TNNT2: variants seen among roughly 807,000 people sequenced by gnomAD.
The protein encoded by TNNT2 is troponin T2, cardiac type, also known as troponin T, cardiac muscle.
Under a neutral mutation model 62.4 loss-of-function variants are expected in TNNT2, and 34 were observed. The ratio of observed to expected loss-of-function variants is 0.54; its 90% CI spans 0.41 to 0.72. The LOEUF (loss-of-function observed/expected upper bound fraction) is 0.72, where lower values mean the gene tolerates loss of function less well. Among genes scored for constraint, TNNT2 ranks in the 30% least tolerant of loss-of-function variants. The pLI, the probability that TNNT2 is intolerant of heterozygous loss-of-function variation, is 0.00. For synonymous variants in TNNT2, 123 were observed against 127.2 expected (o/e 0.97, Z 0.22); for missense variants, 275 against 381.9 (o/e 0.72, Z 2.33).
intron 15 of TNNT2, chr1:201,360,917 C>A (rs554919882): frequency 4.5e-5 from 17 of 373,830 alleles, no homozygotes; most frequent in Non-Finnish European, 8.7e-5. Context: ...GGGAGAAGCA[C>A]CTCTCTGTTG....
chr1:201,367,467 TAAGCTCTAG>T, intron 7 of TNNT2: 1 of 550,562 alleles, frequency 1.8e-6, no homozygotes, highest in Non-Finnish European at 3.3e-6. Context: ...TGATTTCACC[TAAGCTCTAG>T]GAGCTTCATG....
intron 6 of TNNT2, 58 bp downstream of exon 6, chr1:201,368,104 T>C (rs1660004448): frequency 6.4e-7 from 1 of 1,557,970 alleles, no homozygotes; most frequent in Non-Finnish European, 8.9e-7. Flanking sequence ...GCCTCAGGAA[T>C]GGCTCCAGGG....
chr1:201,373,087 G>C (rs750894170), intron 2 of TNNT2, 127 bp downstream of exon 2: 2 of 928,054 alleles, frequency 2.2e-6, no homozygotes, highest in Non-Finnish European at 3.6e-6. Context: ...ATCTCTCCTC[G>C]GGGTGCCCAA....
At chr1:201,368,921 C>T (rs1452194698) in intron 5 of TNNT2, among the ~76,000 whole-genome samples, 3 of 152,168 alleles carry the variant, frequency 2.0e-5, no homozygotes, top group Admixed American at 6.5e-5. Context: ...GAAGGGTTGG[C>T]CTTCATTCCC....
chr1:201,360,830 T>C (rs1436325120), intron 15 of TNNT2: 1 of 284,120 alleles, frequency 3.5e-6, no homozygotes, highest in Non-Finnish European at 6.8e-6. Context: ...CCCTCATTAG[T>C]GCACATAGGA....
intron 4 of TNNT2, among the ~76,000 whole-genome samples, chr1:201,370,282 C>G (rs992610082): frequency 1.1e-4 from 16 of 152,330 alleles, no homozygotes; most frequent in Middle Eastern, 6.8e-3. Flanking sequence ...CCTCAACGAG[C>G]CTGCCCATGT....
At chr1:201,363,033 C>T in intron 12 of TNNT2, 2 of 873,286 alleles carry the variant, frequency 2.3e-6, no homozygotes, top group South Asian at 5.2e-5. Flanking sequence ...CTCCTGAGCA[C>T]TGCTGGAGCC....
intron 7 of TNNT2, chr1:201,367,535 G>A: frequency 1.6e-6 from 1 of 624,384 alleles, no homozygotes; most frequent in Admixed American, 2.6e-5. Flanking sequence ...CCAGGGGGCT[G>A]GACAATGGTC....
Position 201,359,750 on chromosome 1 carries a change from T to C in TNNT2, c.811-87A>G. On this transcript the variant is annotated intron_variant, in intron 15 of 16. Transcript: ENST00000656932. ...GGCCTGGGGATGGGGAGAAGGGGGC[T>C]GAGTGCAGCAGTGCAGGAGGAGAAG... 2.6e-6 allele frequency: 3 copies of C among 1,164,130 alleles called. 1 individual carries two copies. In the South Asian group the frequency reaches 3.9e-5, roughly 15 times the overall value. The allele number at this position is 1,164,130 out of a possible 1,614,324, so 72.1% of individuals were successfully genotyped here. A position where few individuals can be genotyped will look rare whatever the true frequency, so the allele number is the denominator to read the frequency against.
At chr1:201,368,373 G>A (rs999240712) in intron 5 of TNNT2, 146 bp from the exon 6 acceptor site, 1 of 804,924 alleles carries the variant, frequency 1.2e-6, no homozygotes, top group Non-Finnish European at 2.1e-6. Flanking sequence ...CAACGTGCTG[G>A]GGGGCTGCCA....
chr1:201,364,518 G>A (rs1659314004), intron 10 of TNNT2, 143 bp from the exon 11 acceptor site: 3 of 861,594 alleles, frequency 3.5e-6, no homozygotes, highest in East Asian at 2.7e-5. Flanking sequence ...CGGCCTCCAA[G>A]GGCCTCCACT....
In TNNT2 at chr1:201,362,104, G is replaced by C. The variant is rs561443682; in HGVS notation, c.610-82C>G. ...ACCCTCCCCAAACCCCCTGGGGGTG[G>C]AGCAAGGCCTGCAGGAGGGCCAGGT... On this transcript the variant is annotated intron_variant, in intron 13 of 16. Transcript: ENST00000656932. The C allele has an allele frequency of 8.1e-6, 12 of 1,482,190 alleles. No homozygotes were observed. The African/African-American group carries it at 1.4e-4, about 17-fold the overall frequency. The allele number at this position is 1,482,190 out of a possible 1,614,324, so 91.8% of individuals were successfully genotyped here.
Position 201,373,251 on chromosome 1 carries a change from A to G in TNNT2, c.4T>C (p.Ser2Pro), listed in dbSNP as rs765584396. ...TCTTCCACCACCTCTTCTATGTCAG[A>G]CATGGTCTCTGCTCTCCCTCCAAAA... MSDIEEVVEEYE... is the reference protein window; with the variant it reads MPDIEEVVEEYE... Residue 2 changes from serine (S) to proline (P), a missense_variant, in exon 2 of 17, where the codon TCT (serine) becomes CCT (proline). Coordinates refer to ENST00000656932, the MANE Select transcript of TNNT2 (RefSeq NM_001276345.2). 1 of 1,614,096 alleles carries G rather than the reference A, an allele frequency of 6.2e-7. No individual in the cohort carries two copies. Among genetic ancestry groups the G allele is most frequent in the African/African-American group, 1.3e-5 (1 of 75,026 alleles).
chr1:201,373,166 C>T, intron 2 of TNNT2, 48 bp downstream of exon 2: 1 of 1,591,432 alleles, frequency 6.3e-7, no homozygotes, highest in Non-Finnish European at 8.6e-7. Context: ...GGTGTCAGGG[C>T]AGCGGCGGGA....
chr1:201,366,067 C>A, intron 8 of TNNT2: 1 of 1,151,846 alleles, frequency 8.7e-7, no homozygotes, highest in East Asian at 5.9e-5. Flanking sequence ...TGGCCATGAA[C>A]CTGGGAGTCT....
chr1:201,371,769 A>C (rs1172386343), intron 4 of TNNT2, among the ~76,000 whole-genome samples: 1 of 152,206 alleles, frequency 6.6e-6, no homozygotes, highest in Non-Finnish European at 1.5e-5. Context: ...AAGGGAGAAG[A>C]AGCAAAAAAA....
At chr1:201,372,667 C>A (rs1268296591) in intron 2 of TNNT2, among the ~76,000 whole-genome samples, 1 of 152,200 alleles carries the variant, frequency 6.6e-6, no homozygotes, top group Non-Finnish European at 1.5e-5. Context: ...AGAGTAAGTT[C>A]TGTGAGGGCA....
At chr1:201,373,149 T>C in intron 2 of TNNT2, 65 bp downstream of exon 2, 2 of 1,530,908 alleles carry the variant, frequency 1.3e-6, no homozygotes, top group South Asian at 1.1e-5. Context: ...GGGAGGCTCC[T>C]GGACCAGGTG....
intron 5 of TNNT2, 162 bp from the exon 6 acceptor site, chr1:201,368,389 G>T: frequency 1.3e-6 from 1 of 749,906 alleles, no homozygotes; most frequent in Non-Finnish European, 2.3e-6. Context: ...TGCCATTCTT[G>T]GTTTTGACTG....
Sources: allele counts gnomAD v4.1 joint callset (sites outside exome capture counted in the v4.1 genomes callset), GRCh38; gene constraint gnomAD v4.1.1; transcripts MANE v1.5; gene names NCBI Gene and HGNC (gene_info 2026-07-23, HGNC 2026-07-21).